FILIP1L: variants seen among roughly 807,000 people sequenced by gnomAD.
FILIP1L encodes the protein filamin A interacting protein 1 like.
A neutral mutation model predicts 96.6 loss-of-function variants in FILIP1L; 55 were observed. The observed-to-expected ratio is 0.57, with a 90% CI of 0.46 to 0.71. The LOEUF (loss-of-function observed/expected upper bound fraction) is 0.71. Ranked by LOEUF, FILIP1L falls within the 30% of genes least tolerant of loss-of-function variation. The probability of loss-of-function intolerance (pLI) is 0.00; values close to 1 mark genes in which losing one functional copy is unlikely to be tolerated. For missense variants in FILIP1L, 1,304 were observed against 1,321.2 expected (o/e 0.99, Z 0.20); for synonymous variants, 467 against 473.9 (o/e 0.99, Z 0.19).
intron 1 of FILIP1L, among the ~76,000 whole-genome samples, chr3:100,065,357 A>G (rs1190947747): frequency 6.6e-6 from 1 of 152,202 alleles, no homozygotes; most frequent in Non-Finnish European, 1.5e-5. Context: ...GATAGGCATT[A>G]TTATCCACTC....
intron 1 of FILIP1L, among the ~76,000 whole-genome samples, chr3:100,101,844 C>A (rs1208778982): frequency 6.6e-6 from 1 of 152,058 alleles, no homozygotes; most frequent in Non-Finnish European, 1.5e-5. Flanking sequence ...TTGTTCAATT[C>A]CCACCTACGA....
At chr3:99,976,706 T>C (rs114437823) in intron 1 of FILIP1L, among the ~76,000 whole-genome samples, 1,719 of 152,340 alleles carry the variant, frequency 0.011, 18 homozygotes, top group African/African-American at 0.025. Context: ...TTCAATATGA[T>C]AGGATTTTAT....
rs1020728249 is a variant in FILIP1L at position 99,993,234 on chromosome 3, T to C, written c.-10-62204A>G. On this transcript the variant is annotated intron_variant, in intron 1 of 5. Coordinates refer to ENST00000477258, the MANE Select transcript of FILIP1L (RefSeq NM_001387850.1). ...GATCTGATAGAGATTACATTGAATA[T>C]TATTAAAATTACATTTTAATAATAT... Among the ~76,000 whole-genome samples the C allele has an allele frequency of 2.6e-5, 4 of 152,226 alleles. No homozygotes were observed. In the East Asian group the frequency reaches 7.7e-4, roughly 29 times the overall value.
chr3:100,102,701 A>G (rs1019534003), intron 1 of FILIP1L, among the ~76,000 whole-genome samples: 1 of 152,318 alleles, frequency 6.6e-6, no homozygotes, highest in South Asian at 2.1e-4. Context: ...GACTAAATTC[A>G]TGACCCCAGG....
intron 1 of FILIP1L, among the ~76,000 whole-genome samples, chr3:99,969,752 T>A (rs1204007452): frequency 6.6e-6 from 1 of 152,128 alleles, no homozygotes; most frequent in African/African-American, 2.4e-5. Context: ...ACCTTGGAAA[T>A]CTGTGACCAT....
rs35047568 is a variant in FILIP1L, at chr3:100,013,214, GTGTTGT to G, written c.-10-82190_-10-82185del. Among the ~76,000 whole-genome samples, 929 of 145,506 alleles carry G rather than the reference GTGTTGT, an allele frequency of 6.4e-3. 2 individuals carry two copies. Among genetic ancestry groups the G allele is most frequent in the East Asian group, 0.027 (124 of 4,638 alleles). The stretch of plus-strand genomic sequence containing the variant: ...AGCAGCCCATTTCAAGGCCAGTGAG[GTGTTGT>G]TGTTGTTGTTGTTGTTGTTGTTGTT... On this transcript the variant is annotated intron_variant, in intron 1 of 5. Coordinates refer to ENST00000477258, the MANE Select transcript of FILIP1L (RefSeq NM_001387850.1).
At chr3:99,967,993 G>GTATT (rs1708703532) in intron 1 of FILIP1L, among the ~76,000 whole-genome samples, 1 of 152,194 alleles carries the variant, frequency 6.6e-6, no homozygotes, top group Non-Finnish European at 1.5e-5. Flanking sequence ...TCTCAAACAT[G>GTATT]TATTACTCAT....
intron 4 of FILIP1L, among the ~76,000 whole-genome samples, chr3:99,903,260 T>A (rs954287525): frequency 6.6e-6 from 1 of 151,062 alleles, no homozygotes; most frequent in Non-Finnish European, 1.5e-5. Context: ...ATATGCATGT[T>A]TTTTTTTTTG....
At chr3:100,039,624 C>T (rs1248924946) in intron 1 of FILIP1L, among the ~76,000 whole-genome samples, 3 of 152,142 alleles carry the variant, frequency 2.0e-5, no homozygotes, top group African/African-American at 7.2e-5. Flanking sequence ...AAAGCATTGT[C>T]CCTAGAGTTG....
At chr3:99,927,286 G>C (rs1011613808) in intron 3 of FILIP1L, among the ~76,000 whole-genome samples, 1 of 151,934 alleles carries the variant, frequency 6.6e-6, no homozygotes, top group Non-Finnish European at 1.5e-5. Context: ...AGTATTTTAA[G>C]ATTTGCCCTA....
chr3:99,998,861 G>A lies in FILIP1L; in HGVS notation c.-10-67831C>T, dbSNP rs138138437. 4.3e-3 allele frequency among the ~76,000 whole-genome samples: 654 copies of A among 152,230 alleles called. 4 individuals are homozygous for A. Among genetic ancestry groups the A allele is most frequent in the African/African-American group, 0.015 (604 of 41,512 alleles). On this transcript the variant is annotated intron_variant, in intron 1 of 5. Coordinates refer to ENST00000477258, the MANE Select transcript of FILIP1L (RefSeq NM_001387850.1). The stretch of plus-strand genomic sequence containing the variant: ...TGGGATTACAGGCGTGAGCCACCGC[G>A]CCCGGCCATGGTTCTTAAACTCTAA...
At chr3:100,003,143 C>G (rs772044800) in intron 1 of FILIP1L, among the ~76,000 whole-genome samples, 6 of 152,184 alleles carry the variant, frequency 3.9e-5, no homozygotes, top group South Asian at 2.1e-4. Context: ...CCCTGTGTTT[C>G]TCTCCTTTTC....
chr3:99,973,839 T>G (rs149441567), intron 1 of FILIP1L, among the ~76,000 whole-genome samples: 9 of 152,332 alleles, frequency 5.9e-5, no homozygotes, highest in African/African-American at 1.4e-4. Context: ...GTGTTTGTTG[T>G]TGGTGGTGGG....
chr3:99,952,758 T>C (rs1040870637), intron 1 of FILIP1L, among the ~76,000 whole-genome samples: 11 of 152,184 alleles, frequency 7.2e-5, no homozygotes, highest in African/African-American at 2.7e-4. Context: ...AAACAGTTAT[T>C]ATTAAATTGC....
intron 1 of FILIP1L, among the ~76,000 whole-genome samples, chr3:99,999,918 T>C (rs568763149): frequency 5.3e-5 from 8 of 152,358 alleles, no homozygotes; most frequent in African/African-American, 1.9e-4. Context: ...TATTGGACTA[T>C]GGGCCTCTGT....
intron 3 of FILIP1L, among the ~76,000 whole-genome samples, chr3:99,928,220 C>A (rs1441187730): frequency 1.3e-5 from 2 of 152,194 alleles, no homozygotes; most frequent in African/African-American, 2.4e-5. Context: ...GGCAGAATTC[C>A]CCTTCACTGT....
intron 4 of FILIP1L, among the ~76,000 whole-genome samples, chr3:99,901,931 A>T (rs1706451509): frequency 1.3e-5 from 2 of 152,168 alleles, no homozygotes; most frequent in African/African-American, 4.8e-5. Flanking sequence ...TAGTAGGTAC[A>T]CAAAATATGT....
At chr3:100,110,776 C>G (rs777016357) in intron 1 of FILIP1L, among the ~76,000 whole-genome samples, 10 of 152,136 alleles carry the variant, frequency 6.6e-5, no homozygotes, top group Non-Finnish European at 1.3e-4. Flanking sequence ...TTCCTCTTAC[C>G]CATGATAAAC....
chr3:99,970,025 CAGTT>C (rs1214043090), intron 1 of FILIP1L, among the ~76,000 whole-genome samples: 1 of 152,158 alleles, frequency 6.6e-6, no homozygotes, highest in Non-Finnish European at 1.5e-5. Flanking sequence ...AAGGAATAAT[CAGTT>C]AGGCATTGGC....
Sources: allele counts gnomAD v4.1 joint callset (sites outside exome capture counted in the v4.1 genomes callset), GRCh38; gene constraint gnomAD v4.1.1; transcripts MANE v1.5; gene names NCBI Gene and HGNC (gene_info 2026-07-23, HGNC 2026-07-21).